The following HTT variants were observed in gnomAD, a reference collection of about 807,000 sequenced individuals.
HTT encodes the protein huntington disease protein.
A neutral mutation model predicts 362.3 loss-of-function variants in HTT; 104 were observed. That is an observed-to-expected ratio of 0.29 (90% CI 0.24 to 0.34). The LOEUF (loss-of-function observed/expected upper bound fraction) is 0.34, where lower values mean the gene tolerates loss of function less well. HTT is among the 10% of genes least tolerant of loss of function. The pLI is 1.00. For missense variants in HTT, 3,301 were observed against 3,928.6 expected (o/e 0.84, Z 4.27); for synonymous variants, 1,577 against 1,548.7 (o/e 1.02, Z -0.43).
At chr4:3,157,040 A>C (rs906321429) in intron 27 of HTT, 32 bp from the exon 28 acceptor site, 1 of 1,558,354 alleles carries the variant, frequency 6.4e-7, no homozygotes, top group Non-Finnish European at 8.7e-7. Context: ...TTTTGATCTA[A>C]AAGTTTATCT....
At chr4:3,178,593 T>G (rs749496652) in intron 35 of HTT, 147 bp downstream of exon 35, 7 of 661,304 alleles carry the variant, frequency 1.1e-5, no homozygotes, top group African/African-American at 1.8e-5. Flanking sequence ...AAGGTACTGG[T>G]TAGAGACGTT....
Position 3,217,862 on chromosome 4 carries a change from G to T in HTT, c.7152G>T (p.Val2384=). ...TGGGTCATAAAAGGAATAGCGGCGTGCCGGCGTTTCTCACGCCATTGCTAA... is the reference window on the plus strand; with the variant it reads ...TGGGTCATAAAAGGAATAGCGGCGTTCCGGCGTTTCTCACGCCATTGCTAA... ...LALGHKRNSG[V]PAFLTPLLRN... The change falls in exon 52 of 67, where the codon GTG becomes GTT. Residue 2384 remains valine, a synonymous_variant. Transcript: ENST00000355072. 1 of 1,614,162 alleles carries T rather than the reference G, an allele frequency of 6.2e-7. No homozygotes were observed. The highest frequency in any genetic ancestry group is 1.1e-5 in the South Asian group (1 of 91,076).
At chr4:3,102,289 C>T (rs549017263) in intron 3 of HTT, among the ~76,000 whole-genome samples, 4 of 152,192 alleles carry the variant, frequency 2.6e-5, no homozygotes, top group Admixed American at 6.5e-5. Context: ...CATCACCCAG[C>T]GACTGGCGTA....
At chr4:3,205,411 G>T (rs1279173218) in intron 42 of HTT, among the ~76,000 whole-genome samples, 1 of 152,044 alleles carries the variant, frequency 6.6e-6, no homozygotes, top group African/African-American at 2.4e-5. Flanking sequence ...TTTTTCTGGT[G>T]ATGACAATTT....
At chr4:3,229,753 G>T in intron 59 of HTT, 134 bp from the exon 60 acceptor site, 1 of 945,036 alleles carries the variant, frequency 1.1e-6, no homozygotes, top group African/African-American at 1.6e-5. Context: ...ACACACACAC[G>T]CACACATGCG....
At chr4:3,182,922 AC>A (rs1014329712) in intron 37 of HTT, among the ~76,000 whole-genome samples, 39 of 152,086 alleles carry the variant, frequency 2.6e-4, no homozygotes, top group African/African-American at 9.2e-4. Flanking sequence ...TCACTCTGTC[AC>A]CCAGGCTAGA....
At chr4:3,132,286 T>A (rs1715858845) in intron 16 of HTT, among the ~76,000 whole-genome samples, 1 of 152,206 alleles carries the variant, frequency 6.6e-6, no homozygotes, top group Non-Finnish European at 1.5e-5. Context: ...AAGTGGAATC[T>A]GGAATTTTAA....
chr4:3,090,627 A>G (rs1029864179), intron 2 of HTT, among the ~76,000 whole-genome samples: 3 of 152,240 alleles, frequency 2.0e-5, no homozygotes, highest in African/African-American at 7.2e-5. Context: ...CAAAAACTTT[A>G]TAAAAACTTC....
At chr4:3,172,855 C>A in intron 30 of HTT, 53 bp from the exon 31 acceptor site, 2 of 1,222,586 alleles carry the variant, frequency 1.6e-6, no homozygotes. Context: ...GTGGGAGATT[C>A]TTAAAAGTGT....
chr4:3,149,321 G>A (rs1015472053), intron 26 of HTT, among the ~76,000 whole-genome samples: 1 of 145,938 alleles, frequency 6.9e-6, no homozygotes, highest in African/African-American at 2.6e-5. Context: ...TTTTGAGATG[G>A]AGTTTCATTC....
intron 51 of HTT, among the ~76,000 whole-genome samples, chr4:3,217,337 C>T (rs1720458754): frequency 6.6e-6 from 1 of 152,178 alleles, no homozygotes. Flanking sequence ...CTAGGAAAGC[C>T]AGTGAAGCAA....
At chr4:3,150,803 G>A (rs1338158497) in intron 26 of HTT, among the ~76,000 whole-genome samples, 1 of 152,142 alleles carries the variant, frequency 6.6e-6, no homozygotes, top group African/African-American at 2.4e-5. Flanking sequence ...TTGGGAGGCC[G>A]AGACCAGTGC....
chr4:3,099,006 T>C (rs931784702), intron 2 of HTT, among the ~76,000 whole-genome samples: 1 of 152,190 alleles, frequency 6.6e-6, no homozygotes, highest in East Asian at 1.9e-4. Flanking sequence ...TAGAAAAAAA[T>C]TAGATAGGGT....
intron 1 of HTT, among the ~76,000 whole-genome samples, chr4:3,078,936 C>T (rs1007351291): frequency 2.6e-5 from 4 of 152,274 alleles, no homozygotes; most frequent in East Asian, 3.9e-4. Context: ...GGGGTTTCAC[C>T]GTGTTAGCCA....
chr4:3,166,121 T>G (rs1245128549), intron 29 of HTT, among the ~76,000 whole-genome samples: 1 of 152,208 alleles, frequency 6.6e-6, no homozygotes, highest in Non-Finnish European at 1.5e-5. Context: ...TTGTTGATGT[T>G]GATGCTATTC....
intron 35 of HTT, among the ~76,000 whole-genome samples, chr4:3,178,781 C>T (rs966345055): frequency 6.6e-6 from 1 of 152,144 alleles, no homozygotes; most frequent in Non-Finnish European, 1.5e-5. Context: ...GGCCAAGAAG[C>T]GATGCAACAC....
chr4:3,174,492 C>T (rs765374397), intron 31 of HTT, among the ~76,000 whole-genome samples: 13 of 152,144 alleles, frequency 8.5e-5, no homozygotes, highest in African/African-American at 1.4e-4. Context: ...TAGCCTTCTG[C>T]GAGTGAGGAG....
rs565093022 is a variant in HTT at position 3,147,316 on chromosome 4, A to C, written c.3295+368A>C. On this transcript the variant is annotated intron_variant, in intron 25 of 66. Coordinates refer to ENST00000355072, the MANE Select transcript of HTT (RefSeq NM_001388492.1). Reference sequence around the variant, plus strand: ...TTTTAGATTAGAGGGGGATACACGTAAACAAAAGTGCAGTGGTCACACAGA... The same window carrying C: ...TTTTAGATTAGAGGGGGATACACGTCAACAAAAGTGCAGTGGTCACACAGA... Among the ~76,000 whole-genome samples the C allele has an allele frequency of 1.2e-4, 18 of 152,262 alleles. 1 individual carries two copies. The South Asian group carries it at 3.7e-3, about 32-fold the overall frequency.
At chr4:3,088,310 G>T (rs1206224869) in intron 2 of HTT, among the ~76,000 whole-genome samples, 1 of 151,598 alleles carries the variant, frequency 6.6e-6, no homozygotes, top group Non-Finnish European at 1.5e-5. Context: ...CTTCAGCCTG[G>T]CGAGTAGCTG....
Sources: gnomAD v4.1 joint callset for allele counts (sites outside exome capture counted in the v4.1 genomes callset) on GRCh38, gnomAD v4.1.1 for gene constraint, MANE v1.5 for transcripts, NCBI Gene and HGNC (gene_info 2026-07-23, HGNC 2026-07-21) for gene names.